Variants in PROS1 observed in about 807,000 individuals in gnomAD.
PROS1 encodes vitamin K-dependent protein S.
Under a neutral mutation model 75.9 loss-of-function variants are expected in PROS1, and 29 were observed. The ratio of observed to expected loss-of-function variants is 0.38; its 90% CI spans 0.28 to 0.52. The LOEUF is 0.52. Ranked by LOEUF, PROS1 falls within the 20% of genes least tolerant of loss-of-function variation. The pLI, the probability that PROS1 is intolerant of heterozygous loss-of-function variation, is 0.83. For missense variants in PROS1, 680 were observed against 810.3 expected (o/e 0.84, Z 1.95); for synonymous variants, 245 against 280.6 (o/e 0.87, Z 1.27).
chr3:93,915,303 T>G (rs374449910), intron 3 of PROS1, among the ~76,000 whole-genome samples: 8 of 152,128 alleles, frequency 5.3e-5, no homozygotes, highest in East Asian at 3.9e-4. Context: ...CTGTCTCTAC[T>G]AAAAATACAA....
At chr3:93,884,061 A>G (rs914602822) in intron 12 of PROS1, among the ~76,000 whole-genome samples, 3 of 152,236 alleles carry the variant, frequency 2.0e-5, no homozygotes, top group African/African-American at 7.2e-5. Flanking sequence ...ATTCAATCCC[A>G]TTACTAAGAG....
At chr3:93,941,668 C>A (rs936399577) in intron 1 of PROS1, among the ~76,000 whole-genome samples, 3 of 152,194 alleles carry the variant, frequency 2.0e-5, no homozygotes, top group Non-Finnish European at 4.4e-5. Flanking sequence ...AAGTGCAGGG[C>A]TGTGCAGTTG....
At chr3:93,952,978 G>A (rs959658715) in intron 1 of PROS1, among the ~76,000 whole-genome samples, 6 of 152,144 alleles carry the variant, frequency 3.9e-5, no homozygotes, top group African/African-American at 1.4e-4. Flanking sequence ...AGAAAATCTA[G>A]AAGAAATGGA....
intron 8 of PROS1, 132 bp downstream of exon 8, chr3:93,898,316 C>T: frequency 7.6e-6 from 8 of 1,054,822 alleles, no homozygotes; most frequent in Admixed American, 3.8e-5. Context: ...AATCATGACT[C>T]ATAACCTGCT....
intron 3 of PROS1, among the ~76,000 whole-genome samples, chr3:93,914,090 C>T (rs768744994): frequency 4.6e-5 from 7 of 152,228 alleles, no homozygotes; most frequent in African/African-American, 1.4e-4. Context: ...CTTTGCTGGG[C>T]GTAGGCCATG....
chr3:93,936,187 C>G (rs1471826853), intron 1 of PROS1, among the ~76,000 whole-genome samples: 1 of 150,764 alleles, frequency 6.6e-6, no homozygotes, highest in African/African-American at 2.4e-5. Flanking sequence ...GTAATTAAGA[C>G]TAGATGGGGT....
intron 1 of PROS1, among the ~76,000 whole-genome samples, chr3:93,961,298 A>G (rs1709702687): frequency 6.6e-6 from 1 of 152,198 alleles, no homozygotes; most frequent in African/African-American, 2.4e-5. Flanking sequence ...CTAGATTTTG[A>G]GCTTTGCATG....
chr3:93,883,032 AC>A (rs1708294709), intron 12 of PROS1, among the ~76,000 whole-genome samples: 1 of 152,218 alleles, frequency 6.6e-6, no homozygotes, highest in African/African-American at 2.4e-5. Context: ...TGATCACTAG[AC>A]ATCTCCCCTA....
chr3:93,953,789 C>T (rs1303487399), intron 1 of PROS1, among the ~76,000 whole-genome samples: 1 of 152,086 alleles, frequency 6.6e-6, no homozygotes, highest in East Asian at 1.9e-4. Context: ...GTCCAATTGC[C>T]CCTGTTTGCA....
chr3:93,966,967 C>T lies in PROS1; in HGVS notation c.76+6707G>A, dbSNP rs13061659. ...ACATGAAATGTTCCAATTTTTGAAA[C>T]GTATAAGGGCCAAACACAGAAGTTT... On this transcript the variant is annotated intron_variant, in intron 1 of 14. Coordinates refer to ENST00000394236, the MANE Select transcript of PROS1 (RefSeq NM_000313.4). Among the ~76,000 whole-genome samples the T allele has an allele frequency of 5.5e-3, 845 of 152,278 alleles. 5 individuals are homozygous for T. The highest frequency in any genetic ancestry group is 0.014 in the Middle Eastern group (4 of 294).
At chr3:93,876,904 T>G in intron 14 of PROS1, 62 bp downstream of exon 14, 1 of 1,095,288 alleles carries the variant, frequency 9.1e-7, no homozygotes, top group Admixed American at 2.2e-5. Flanking sequence ...ATTATATATT[T>G]AAAATATTAT....
At chr3:93,912,899 T>C (rs1211461562) in intron 3 of PROS1, among the ~76,000 whole-genome samples, 1 of 152,180 alleles carries the variant, frequency 6.6e-6, no homozygotes, top group Non-Finnish European at 1.5e-5. Context: ...CACATACTTT[T>C]TGAGGGTCAC....
intron 1 of PROS1, among the ~76,000 whole-genome samples, chr3:93,944,996 T>C (rs571112136): frequency 1.3e-5 from 2 of 152,136 alleles, no homozygotes; most frequent in East Asian, 3.9e-4. Context: ...ACACCACCGA[T>C]CCCACAGAAA....
intron 6 of PROS1, 72 bp downstream of exon 6, chr3:93,905,712 C>T: frequency 6.5e-7 from 1 of 1,534,630 alleles, no homozygotes; most frequent in Non-Finnish European, 8.9e-7. Flanking sequence ...CAAAAATTTG[C>T]TAGTAAAATT....
intron 1 of PROS1, among the ~76,000 whole-genome samples, chr3:93,955,215 C>T (rs1433264944): frequency 6.6e-6 from 1 of 152,170 alleles, no homozygotes; most frequent in Non-Finnish European, 1.5e-5. Context: ...ACCCAGCCAT[C>T]CCCTTACTGG....
chr3:93,898,631 G>T, intron 7 of PROS1, 62 bp from the exon 8 acceptor site: 1 of 1,571,880 alleles, frequency 6.4e-7, no homozygotes, highest in Middle Eastern at 1.8e-4. Flanking sequence ...AATCTTATAG[G>T]CAGAGGAATA....
chr3:93,937,534 A>AT (rs1181529072), intron 1 of PROS1, among the ~76,000 whole-genome samples: 2 of 151,632 alleles, frequency 1.3e-5, no homozygotes, highest in Non-Finnish European at 1.5e-5. Context: ...CACCTGGCTA[A>AT]TTTTTTGTAT....
At chr3:93,972,247 C>T (rs1484888296) in intron 1 of PROS1, among the ~76,000 whole-genome samples, 6 of 152,130 alleles carry the variant, frequency 3.9e-5, no homozygotes, top group African/African-American at 7.2e-5. Flanking sequence ...AGGTAATAAG[C>T]GCATGTAGTT....
chr3:93,950,913 C>A (rs780340219), intron 1 of PROS1, among the ~76,000 whole-genome samples: 6 of 152,038 alleles, frequency 3.9e-5, no homozygotes, highest in Non-Finnish European at 8.8e-5. Flanking sequence ...ATGTGCGAAT[C>A]CATTGCAAAG....
Sources: allele counts gnomAD v4.1 joint callset (sites outside exome capture counted in the v4.1 genomes callset), GRCh38; gene constraint gnomAD v4.1.1; transcripts MANE v1.5; gene names NCBI Gene and HGNC (gene_info 2026-07-23, HGNC 2026-07-21).